The following FTO variants were observed in gnomAD, a reference collection of about 807,000 sequenced individuals.
FTO encodes the protein alpha-ketoglutarate-dependent dioxygenase FTO.
A neutral mutation model predicts 63.9 loss-of-function variants in FTO; 47 were observed. That is an observed-to-expected ratio of 0.74 (90% CI 0.58 to 0.94). The LOEUF (loss-of-function observed/expected upper bound fraction) is 0.94. FTO is among the 40% of genes least tolerant of loss of function. The pLI is 0.00. For missense variants in FTO, 562 were observed against 618.1 expected (o/e 0.91, Z 0.96); for synonymous variants, 207 against 224.4 (o/e 0.92, Z 0.69).
chr16:53,970,887 T>C (rs2083301900), intron 8 of FTO, among the ~76,000 whole-genome samples: 1 of 152,220 alleles, frequency 6.6e-6, no homozygotes, highest in African/African-American at 2.4e-5. Flanking sequence ...CACACACTTA[T>C]ATACATAATG....
intron 1 of FTO, among the ~76,000 whole-genome samples, chr16:53,750,035 CAG>C (rs977894497): frequency 1.3e-5 from 2 of 152,034 alleles, no homozygotes; most frequent in Admixed American, 6.6e-5. Context: ...TTGGTGAAAA[CAG>C]AGTCATGGAA....
intron 8 of FTO, among the ~76,000 whole-genome samples, chr16:53,955,324 G>A (rs1212765394): frequency 6.6e-6 from 1 of 152,146 alleles, no homozygotes; most frequent in Non-Finnish European, 1.5e-5. Context: ...CAGTCTAGTG[G>A]CAGGAGGCTG....
At chr16:53,842,531 A>G (rs1027849079) in intron 3 of FTO, among the ~76,000 whole-genome samples, 1 of 152,076 alleles carries the variant, frequency 6.6e-6, no homozygotes, top group Non-Finnish European at 1.5e-5. Flanking sequence ...CCCCAGAAAA[A>G]CTAGTCTTGA....
intron 8 of FTO, among the ~76,000 whole-genome samples, chr16:54,081,241 A>G (rs1278496458): frequency 6.6e-6 from 1 of 152,206 alleles, no homozygotes; most frequent in African/African-American, 2.4e-5. Flanking sequence ...AAGTGATACG[A>G]GAACAGGGGC....
chr16:53,791,012 A>G (rs749277801), intron 1 of FTO, among the ~76,000 whole-genome samples: 2 of 152,178 alleles, frequency 1.3e-5, no homozygotes, highest in Non-Finnish European at 2.9e-5. Flanking sequence ...ATGTCATAGA[A>G]ACGAAGGGAA....
intron 1 of FTO, among the ~76,000 whole-genome samples, chr16:53,806,262 T>G (rs901698665): frequency 6.6e-6 from 1 of 152,250 alleles, no homozygotes; most frequent in Non-Finnish European, 1.5e-5. Context: ...ATCTTTATAC[T>G]GAATTTCATG....
At chr16:53,793,396 T>G (rs1310614228) in intron 1 of FTO, among the ~76,000 whole-genome samples, 1 of 152,202 alleles carries the variant, frequency 6.6e-6, no homozygotes, top group Non-Finnish European at 1.5e-5. Flanking sequence ...GTGAGACAAA[T>G]AGAATTTGAT....
At chr16:54,028,194 C>A (rs1174636914) in intron 8 of FTO, among the ~76,000 whole-genome samples, 2 of 152,114 alleles carry the variant, frequency 1.3e-5, no homozygotes, top group Non-Finnish European at 2.9e-5. Flanking sequence ...AGTTGACAGT[C>A]GCTGCAGGCA....
intron 1 of FTO, among the ~76,000 whole-genome samples, chr16:53,719,893 G>A (rs2075996664): frequency 1.3e-5 from 2 of 151,798 alleles, no homozygotes; most frequent in Admixed American, 1.3e-4. Context: ...GTATTCTAAT[G>A]ATTTTTTTCA....
chr16:53,951,185 AT>A (rs1327481140), intron 8 of FTO, among the ~76,000 whole-genome samples: 1 of 152,212 alleles, frequency 6.6e-6, no homozygotes, highest in Non-Finnish European at 1.5e-5. Flanking sequence ...AGACCTTTGA[AT>A]AGAGCATCAC....
chr16:53,954,270 G>A (rs2082869133), intron 8 of FTO, among the ~76,000 whole-genome samples: 1 of 152,140 alleles, frequency 6.6e-6, no homozygotes, highest in Admixed American at 6.5e-5. Context: ...ATTTCCCTGT[G>A]GAACAAAGAA....
intron 8 of FTO, among the ~76,000 whole-genome samples, chr16:54,026,935 A>G (rs1405571484): frequency 6.6e-6 from 1 of 152,142 alleles, no homozygotes; most frequent in African/African-American, 2.4e-5. Flanking sequence ...TCATATATTG[A>G]TTTTCCTAGA....
At chr16:53,964,016 G>A (rs1418628886) in intron 8 of FTO, among the ~76,000 whole-genome samples, 3 of 152,194 alleles carry the variant, frequency 2.0e-5, no homozygotes, top group East Asian at 1.9e-4. Flanking sequence ...GCCTCCCAAA[G>A]TGCTGGGATT....
chr16:53,828,013 T>C (rs1020416767), intron 3 of FTO, among the ~76,000 whole-genome samples: 1 of 152,214 alleles, frequency 6.6e-6, no homozygotes, highest in Admixed American at 6.5e-5. Flanking sequence ...TCCCTTCCCG[T>C]GGGTGATCAA....
At chr16:53,735,497 C>T (rs149440175) in intron 1 of FTO, among the ~76,000 whole-genome samples, 12 of 152,232 alleles carry the variant, frequency 7.9e-5, no homozygotes, top group Non-Finnish European at 2.9e-5. Flanking sequence ...CTCGCTGACT[C>T]CAGAGACACA....
At chr16:53,903,804 A>G (rs1243728886) in intron 7 of FTO, among the ~76,000 whole-genome samples, 2 of 152,140 alleles carry the variant, frequency 1.3e-5, no homozygotes, top group Non-Finnish European at 2.9e-5. Flanking sequence ...ATTAATACCT[A>G]GGAGTAAAAT....
intron 8 of FTO, among the ~76,000 whole-genome samples, chr16:54,000,486 G>A (rs1243352924): frequency 1.3e-5 from 2 of 152,174 alleles, no homozygotes; most frequent in South Asian, 4.1e-4. Flanking sequence ...AACCGAAGTT[G>A]CCATGTAATT....
At chr16:53,891,696 G>A (rs999848305) in intron 7 of FTO, among the ~76,000 whole-genome samples, 2 of 152,116 alleles carry the variant, frequency 1.3e-5, no homozygotes, top group Non-Finnish European at 2.9e-5. Context: ...AAAATATTTG[G>A]TATTGTGAGC....
chr16:53,862,575 G>A (rs536357950), intron 4 of FTO, among the ~76,000 whole-genome samples: 9 of 138,086 alleles, frequency 6.5e-5, no homozygotes, highest in South Asian at 2.3e-4. Context: ...TCTCTCTGTC[G>A]CCCAGGCTGG....
Sources: allele counts gnomAD v4.1 joint callset (sites outside exome capture counted in the v4.1 genomes callset), GRCh38; gene constraint gnomAD v4.1.1; transcripts MANE v1.5; gene names NCBI Gene and HGNC (gene_info 2026-07-23, HGNC 2026-07-21).